Variants in IYD observed in about 807,000 individuals in gnomAD.
IYD encodes the protein iodotyrosine deiodinase 1.
IYD carries 25 observed loss-of-function variants against 28.4 expected under a neutral mutation model. The ratio of observed to expected loss-of-function variants is 0.88; its 90% CI spans 0.64 to 1.23. The LOEUF (loss-of-function observed/expected upper bound fraction) is 1.23. Ranked by LOEUF, IYD falls within the 50% of genes most tolerant of loss-of-function variation. The pLI is 0.00. For missense variants in IYD, 352 were observed against 357.9 expected, an observed-to-expected ratio of 0.98 and a Z score of 0.13; for synonymous variants, 140 against 130.8, an observed-to-expected ratio of 1.07 and a Z score of -0.48.
At chr6:150,372,897 G>A (rs893485735) in intron 1 of IYD, among the ~76,000 whole-genome samples, 2 of 152,164 alleles carry the variant, frequency 1.3e-5, no homozygotes, top group African/African-American at 2.4e-5. Flanking sequence ...GTCCAAGAAA[G>A]AAGAGTTGCT....
chr6:150,397,885 G>T (rs564726818), intron 4 of IYD, among the ~76,000 whole-genome samples, 170 bp from the exon 5 acceptor site: 12 of 151,636 alleles, frequency 7.9e-5, no homozygotes, highest in African/African-American at 2.9e-4. Flanking sequence ...ATTGATGGGG[G>T]CAGGGAGGTT....
chr6:150,381,522 T>A (rs1195784778), intron 1 of IYD, among the ~76,000 whole-genome samples: 1 of 152,160 alleles, frequency 6.6e-6, no homozygotes, highest in Non-Finnish European at 1.5e-5. Context: ...GCTTAACAAA[T>A]AAGTATTAAG....
rs144193430 is a variant in IYD, at chr6:150,389,354, G to A, written c.181G>A (p.Ala61Thr). The A allele has an allele frequency of 2.0e-3, 3,281 of 1,611,986 alleles. 29 individuals carry two copies. Among genetic ancestry groups the A allele is most frequent in the South Asian group, 0.013 (1,168 of 90,988 alleles). ...SSDLHQAEED[A>T]DEWQESEENV... ...ACCTTTCTTATTCTTATTTGCAGAT[G>A]CTGATGAATGGCAAGAATCAGAAGA... Residue 61 changes from alanine to threonine, a missense_variant and splice_region_variant, in exon 2 of 5, where the codon GCT (alanine) becomes ACT (threonine). Transcript: ENST00000344419.
chr6:150,375,910 T>A (rs1777429599), intron 1 of IYD, among the ~76,000 whole-genome samples: 3 of 152,206 alleles, frequency 2.0e-5, no homozygotes, highest in Non-Finnish European at 4.4e-5. Context: ...GTTTCTTGAT[T>A]AGAAAATAGT....
chr6:150,376,067 C>T (rs1359431260), intron 1 of IYD, among the ~76,000 whole-genome samples: 2 of 152,150 alleles, frequency 1.3e-5, no homozygotes, highest in Non-Finnish European at 2.9e-5. Flanking sequence ...AATTATGGCA[C>T]AATTAACGGA....
In IYD at chr6:150,388,626, T is replaced by TCTTTC. The variant is rs1365065110; in HGVS notation, c.179-726_179-725insCTTTC. Among the ~76,000 whole-genome samples, 806 of 136,742 alleles carry TCTTTC rather than the reference T, an allele frequency of 5.9e-3. 10 individuals are homozygous for TCTTTC. Among genetic ancestry groups the TCTTTC allele is most frequent in the East Asian group, 0.03 (134 of 4,464 alleles). 89.7% of individuals were successfully genotyped at this position (136,742 alleles called of 152,430 possible). A position where few individuals can be genotyped will look rare whatever the true frequency, so the allele number is the denominator to read the frequency against. On this transcript the variant is annotated intron_variant, in intron 1 of 4. Coordinates refer to ENST00000344419, the MANE Select transcript of IYD (RefSeq NM_203395.3). Reference sequence around the variant, plus strand: ...TTTTTCTAGATTTATAGTCTGGAGTTTTTGCTTTCTTTCTTTCTTTCTTTC... The same window carrying TCTTTC: ...TTTTTCTAGATTTATAGTCTGGAGTTCTTTCTTTGCTTTCTTTCTTTCTTTCTTTC...
chr6:150,398,134 A>G lies in IYD; in HGVS notation c.767A>G (p.His256Arg). 2 of 1,614,220 alleles carry G rather than the reference A, an allele frequency of 1.2e-6. No homozygotes were observed. The highest frequency in any genetic ancestry group is 1.7e-6 in the Non-Finnish European group (2 of 1,180,038). ...AGGGTGCTCCTGGGCCGCCCCGCAC[A>G]TGAAAAGCTGCTGATGCTGCTCCCC... ...RLRVLLGRPA[H>R]EKLLMLLPVG... The change falls in exon 5 of 5, where the codon CAT becomes CGT. Residue 256 changes from histidine to arginine, a missense_variant. Physicochemically the swap from His to Arg is conservative, Grantham distance 29. Coordinates refer to ENST00000344419, the MANE Select transcript of IYD (RefSeq NM_203395.3).
intron 1 of IYD, among the ~76,000 whole-genome samples, chr6:150,376,971 C>G (rs1000946646): frequency 6.6e-6 from 1 of 152,054 alleles, no homozygotes; most frequent in African/African-American, 2.4e-5. Context: ...TAGCGAAATT[C>G]CAGAAAGAGT....
chr6:150,393,448 T>C (rs1245602222), intron 3 of IYD, among the ~76,000 whole-genome samples: 1 of 152,224 alleles, frequency 6.6e-6, no homozygotes. Context: ...GTGAGTTTCG[T>C]GTGCTTTGGA....
chr6:150,371,271 A>G (rs368461285), intron 1 of IYD, among the ~76,000 whole-genome samples: 1 of 152,220 alleles, frequency 6.6e-6, no homozygotes, highest in African/African-American at 2.4e-5. Context: ...GGTAGGCACT[A>G]TTAGAATCCC....
intron 1 of IYD, among the ~76,000 whole-genome samples, chr6:150,387,359 G>C (rs1052888299): frequency 1.3e-4 from 20 of 150,224 alleles, no homozygotes; most frequent in African/African-American, 4.9e-4. Context: ...CCAGGAGTTT[G>C]AGTCCAGCCT....
rs1394458897 is a variant in IYD at position 150,400,227 on chromosome 6, CT to C, written c.*1991del. 2 of 152,160 alleles carry C rather than the reference CT, an allele frequency of 1.3e-5. No homozygotes were observed. Among genetic ancestry groups the C allele is most frequent in the African/African-American group, 4.8e-5 (2 of 41,438 alleles). 9.4% of individuals were successfully genotyped at this position (152,160 alleles called of 1,614,324 possible). A position where few individuals can be genotyped will look rare whatever the true frequency, so the allele number is the denominator to read the frequency against. On this transcript the variant is annotated 3_prime_UTR_variant, in exon 5 of 5. Transcript: ENST00000344419. ...AGACCAACTTGAAAGATTTTTTTCTCTGTGTAGTTCGTGTTATCAATCTGAT... is the reference window on the plus strand; with the variant it reads ...AGACCAACTTGAAAGATTTTTTTCTCGTGTAGTTCGTGTTATCAATCTGAT...
intron 1 of IYD, among the ~76,000 whole-genome samples, chr6:150,380,710 T>G (rs560123321): frequency 6.6e-6 from 1 of 151,170 alleles, no homozygotes; most frequent in Admixed American, 6.6e-5. Context: ...TGTTTTCTTC[T>G]TCCACCTCAC....
intron 3 of IYD, 63 bp downstream of exon 3, chr6:150,392,567 C>G: frequency 6.6e-7 from 1 of 1,506,220 alleles, no homozygotes; most frequent in Non-Finnish European, 9.2e-7. Flanking sequence ...TCACCACCAC[C>G]ACCATGTCCT....
At position 150,376,869 on chromosome 6, in the gene IYD, A is replaced by G. The variant is rs182100283; in HGVS notation, c.178+7660A>G. ...ACTCCTGGGCTCAAGCAATCCTCCT[A>G]CCTCAGCCTCCCAAAGTGCTGAGAT... On this transcript the variant is annotated intron_variant, in intron 1 of 4. Coordinates refer to ENST00000344419, the MANE Select transcript of IYD (RefSeq NM_203395.3). Among the ~76,000 whole-genome samples, 1,031 of 152,100 alleles carry G rather than the reference A, an allele frequency of 6.8e-3. 14 individuals are homozygous for G. Among genetic ancestry groups the G allele is most frequent in the African/African-American group, 0.023 (965 of 41,482 alleles).
chr6:150,395,572 T>A (rs967075736), intron 4 of IYD: 4 of 1,536,432 alleles, frequency 2.6e-6, no homozygotes, highest in Non-Finnish European at 3.5e-6. Context: ...CCCAGGTGCC[T>A]CTGCAGCAGG....
chr6:150,369,949 A>G (rs1044233986), intron 1 of IYD: 13 of 701,990 alleles, frequency 1.9e-5, no homozygotes, highest in African/African-American at 1.0e-4. Flanking sequence ...TAAGAATGGA[A>G]GTAGAGAATT....
At chr6:150,391,610 C>T (rs953196039) in intron 2 of IYD, among the ~76,000 whole-genome samples, 6 of 152,164 alleles carry the variant, frequency 3.9e-5, no homozygotes, top group Admixed American at 1.3e-4. Context: ...GTTGGCCTGA[C>T]GCTGAACAAA....
rs2115047595 is a variant in IYD at position 150,389,419 on chromosome 6, T to C, written c.246T>C (p.Pro82=). 1 of 1,613,842 alleles carries C rather than the reference T, an allele frequency of 6.2e-7. No homozygotes were observed. The highest frequency in any genetic ancestry group is 8.5e-7 in the Non-Finnish European group (1 of 1,179,742). The change falls in exon 2 of 5, where the codon CCT becomes CCC. Residue 82 remains proline, a synonymous_variant. Coordinates refer to ENST00000344419, the MANE Select transcript of IYD (RefSeq NM_203395.3). ...TCCCCTTCTCTCATAACCACTATCC[T>C]GAGAAGGAAATGGTTAAGAGGTCTC... ...EHIPFSHNHY[P]EKEMVKRSQE...
Sources: gnomAD v4.1 joint callset for allele counts (sites outside exome capture counted in the v4.1 genomes callset) on GRCh38, gnomAD v4.1.1 for gene constraint, MANE v1.5 for transcripts, NCBI Gene and HGNC (gene_info 2026-07-23, HGNC 2026-07-21) for gene names.